Variants in ZNF804B observed in about 807,000 individuals in gnomAD.
The protein encoded by ZNF804B is zinc finger 804B.
Under a neutral mutation model 101.4 loss-of-function variants are expected in ZNF804B, and 80 were observed. The ratio of observed to expected loss-of-function variants is 0.79; its 90% confidence interval spans 0.66 to 0.95. The LOEUF (loss-of-function observed/expected upper bound fraction) is 0.95. Ranked by LOEUF, ZNF804B falls within the 40% of genes least tolerant of loss-of-function variation. ZNF804B has a pLI of 0.00. For synonymous variants in ZNF804B, 622 were observed against 558.8 expected (o/e 1.11, Z -1.59); for missense variants, 1,673 against 1,561.9 (o/e 1.07, Z -1.20).
intron 1 of ZNF804B, among the ~76,000 whole-genome samples, chr7:89,068,813 C>A (rs1789493866): frequency 6.6e-6 from 1 of 152,116 alleles, no homozygotes; most frequent in African/African-American, 2.4e-5. Context: ...TTAGACTAGT[C>A]TAGGAAATTT....
intron 1 of ZNF804B, among the ~76,000 whole-genome samples, chr7:88,991,941 A>T (rs190522740): frequency 6.6e-6 from 1 of 152,152 alleles, no homozygotes; most frequent in Admixed American, 6.6e-5. Flanking sequence ...AAAAATTACA[A>T]TATTGGCATT....
At chr7:89,069,565 A>G (rs762324088) in intron 1 of ZNF804B, among the ~76,000 whole-genome samples, 1 of 152,184 alleles carries the variant, frequency 6.6e-6, no homozygotes, top group Non-Finnish European at 1.5e-5. Flanking sequence ...TTTTCAAAGT[A>G]TGATATACGA....
intron 2 of ZNF804B, among the ~76,000 whole-genome samples, chr7:89,282,053 T>C (rs375609919): frequency 1.3e-5 from 2 of 151,652 alleles, no homozygotes; most frequent in African/African-American, 4.9e-5. Context: ...TACAAAAAAT[T>C]AGCCGGGCGT....
intron 2 of ZNF804B, among the ~76,000 whole-genome samples, chr7:89,243,524 T>G (rs553243193): frequency 6.6e-6 from 1 of 152,000 alleles, no homozygotes; most frequent in East Asian, 1.9e-4. Context: ...TCAAAAATAA[T>G]CATTATTCAT....
chr7:88,848,266 G>A lies in ZNF804B; in HGVS notation c.108+88182G>A, dbSNP rs17164741. On this transcript the variant is annotated intron_variant, in intron 1 of 3. Coordinates refer to ENST00000333190, the MANE Select transcript of ZNF804B (RefSeq NM_181646.5). ...CATGAAAGCTTAGGTGATAAAAAGA[G>A]ATGAAGCTCAACAGGCAGAGTGTCC... Among the ~76,000 whole-genome samples, 1,508 of 152,300 alleles carry A rather than the reference G, an allele frequency of 9.9e-3. 19 individuals carry two copies. Among genetic ancestry groups the A allele is most frequent in the Middle Eastern group, 0.024 (7 of 294 alleles).
intron 1 of ZNF804B, among the ~76,000 whole-genome samples, chr7:89,208,969 G>T (rs761695789): frequency 6.6e-6 from 1 of 151,874 alleles, no homozygotes; most frequent in Non-Finnish European, 1.5e-5. Context: ...CTGAGATCGC[G>T]CCACTGCACT....
chr7:89,220,341 A>G (rs1351942541), intron 2 of ZNF804B, among the ~76,000 whole-genome samples: 1 of 151,588 alleles, frequency 6.6e-6, no homozygotes, highest in Non-Finnish European at 1.5e-5. Flanking sequence ...TGTGCATAAC[A>G]ATGACCTCAG....
intron 1 of ZNF804B, among the ~76,000 whole-genome samples, chr7:88,941,451 C>A (rs948713816): frequency 6.6e-6 from 1 of 151,738 alleles, no homozygotes; most frequent in South Asian, 2.1e-4. Flanking sequence ...AACTATCAAG[C>A]AATAAAAAGA....
intron 1 of ZNF804B, among the ~76,000 whole-genome samples, chr7:89,194,674 C>T (rs1400320623): frequency 1.4e-5 from 2 of 147,008 alleles, no homozygotes; most frequent in East Asian, 4.1e-4. Flanking sequence ...TGATCTATAT[C>T]TCTGTTTTGG....
At chr7:89,117,942 A>C (rs1484040741) in intron 1 of ZNF804B, among the ~76,000 whole-genome samples, 1 of 152,142 alleles carries the variant, frequency 6.6e-6, no homozygotes, top group Non-Finnish European at 1.5e-5. Flanking sequence ...AATGATGGAA[A>C]ATGTATCATT....
intron 1 of ZNF804B, among the ~76,000 whole-genome samples, chr7:88,909,372 G>T (rs576532884): frequency 6.6e-6 from 1 of 151,908 alleles, no homozygotes; most frequent in Admixed American, 6.6e-5. Flanking sequence ...ATGGAAATGC[G>T]TAAGGATGAA....
At chr7:89,103,048 G>GTTTTCTTTTTTTTTT (rs1790080912) in intron 1 of ZNF804B, among the ~76,000 whole-genome samples, 1 of 33,726 alleles carries the variant, frequency 3.0e-5, no homozygotes, top group Non-Finnish European at 5.2e-5. Flanking sequence ...CTATGTGTCT[G>GTTTTCTTTTTTTTTT]TTTTTTTTTT....
chr7:88,850,037 C>G (rs1403497977), intron 1 of ZNF804B, among the ~76,000 whole-genome samples: 1 of 151,994 alleles, frequency 6.6e-6, no homozygotes, highest in African/African-American at 2.4e-5. Flanking sequence ...TTAAATGATT[C>G]AAATAATAGG....
intron 1 of ZNF804B, among the ~76,000 whole-genome samples, chr7:88,867,299 A>G (rs1286891429): frequency 6.6e-6 from 1 of 152,232 alleles, no homozygotes; most frequent in Non-Finnish European, 1.5e-5. Flanking sequence ...CAGGGAAGCC[A>G]GTTGCCTTAC....
intron 1 of ZNF804B, among the ~76,000 whole-genome samples, chr7:88,937,105 A>T (rs1792983619): frequency 7.0e-6 from 1 of 141,958 alleles, no homozygotes; most frequent in Admixed American, 7.4e-5. Flanking sequence ...TGAAAAAACT[A>T]TGAGAATAGC....
At position 88,997,956 on chromosome 7, in the gene ZNF804B, C is replaced by A. The variant is rs1788225050; in HGVS notation, c.109-220199C>A. ...TTCTCTTATGTTGTGTCTTGAATGA[C>A]AGTTGTTCCTGTACAGATCTTAGCA... On this transcript the variant is annotated intron_variant, in intron 1 of 3. Coordinates refer to ENST00000333190, the MANE Select transcript of ZNF804B (RefSeq NM_181646.5). Among the ~76,000 whole-genome samples, 3 of 152,022 alleles carry A rather than the reference C, an allele frequency of 2.0e-5. No homozygotes were observed. The South Asian group carries it at 6.2e-4, about 32-fold the overall frequency.
In ZNF804B at chr7:89,086,947, G is replaced by A. The variant is rs191640832; in HGVS notation, c.109-131208G>A. Among the ~76,000 whole-genome samples, 20 of 151,282 alleles carry A rather than the reference G, an allele frequency of 1.3e-4. No individual in the cohort carries two copies. In the East Asian group the frequency reaches 1.8e-3, roughly 13 times the overall value. On this transcript the variant is annotated intron_variant, in intron 1 of 3. Transcript: ENST00000333190. ...GTATACATATGTAACAAACCTGCAC[G>A]TTGTGCACATGTACCCTAAAACTTA...
chr7:88,861,042 A>T (rs2115855978), intron 1 of ZNF804B, among the ~76,000 whole-genome samples: 1 of 152,298 alleles, frequency 6.6e-6, no homozygotes, highest in South Asian at 2.1e-4. Flanking sequence ...CCTTGGTTTA[A>T]ACTGTTAGTC....
intron 1 of ZNF804B, among the ~76,000 whole-genome samples, chr7:88,981,880 G>C (rs1793698752): frequency 6.6e-6 from 1 of 152,014 alleles, no homozygotes; most frequent in South Asian, 2.1e-4. Flanking sequence ...TGGTGGTGTA[G>C]ATAATGCAAC....
Sources: gnomAD v4.1 joint callset for allele counts (sites outside exome capture counted in the v4.1 genomes callset) on GRCh38, gnomAD v4.1.1 for gene constraint, MANE v1.5 for transcripts, NCBI Gene and HGNC (gene_info 2026-07-23, HGNC 2026-07-21) for gene names.